The following RBFOX1 variants were observed in gnomAD, a reference collection of about 807,000 sequenced individuals.
The protein encoded by RBFOX1 is RNA binding protein fox-1 homolog 1.
In RBFOX1, 8 loss-of-function variants were observed where a neutral mutation model predicts 57.7. That is an observed-to-expected ratio of 0.14 (90% CI 0.08 to 0.25). RBFOX1 has a LOEUF of 0.25. Among genes scored for constraint, RBFOX1 ranks in the 10% least tolerant of loss-of-function variants. The pLI is 1.00. For synonymous variants in RBFOX1, 326 were observed against 222.4 expected (o/e 1.47, Z -4.15); for missense variants, 611 against 548.5 (o/e 1.11, Z -1.14).
intron 3 of RBFOX1, among the ~76,000 whole-genome samples, chr16:5,731,144 C>G (rs1365542471): frequency 3.9e-5 from 6 of 152,152 alleles, no homozygotes; most frequent in Non-Finnish European, 8.8e-5. Context: ...GCACCACCAC[C>G]ATTATCATTA....
chr16:6,448,531 A>G (rs2094532725), intron 2 of RBFOX1, among the ~76,000 whole-genome samples: 1 of 152,162 alleles, frequency 6.6e-6, no homozygotes, highest in Non-Finnish European at 1.5e-5. Flanking sequence ...ATTTCTGTGT[A>G]TCACAGAATG....
intron 3 of RBFOX1, among the ~76,000 whole-genome samples, chr16:6,995,331 T>TGTGTGTGTG (rs1596394200): frequency 1.4e-4 from 21 of 148,628 alleles, no homozygotes; most frequent in South Asian, 4.3e-4. Flanking sequence ...TGTGTGTGTG[T>TGTGTGTGTG]TAGAAGTGGT....
chr16:5,914,242 T>C (rs1299433323), intron 4 of RBFOX1, among the ~76,000 whole-genome samples: 2 of 152,252 alleles, frequency 1.3e-5, no homozygotes, highest in Non-Finnish European at 2.9e-5. Context: ...TTATTTTCTG[T>C]TACATAACAA....
intron 10 of RBFOX1, among the ~76,000 whole-genome samples, chr16:7,617,624 A>T (rs2058669101): frequency 6.6e-6 from 1 of 152,202 alleles, no homozygotes. Context: ...CCAAAGAGAC[A>T]GACCGTGTAT....
Position 6,420,168 on chromosome 16 carries a change from G to A in RBFOX1, c.-64+103111G>A, listed in dbSNP as rs550867079. Among the ~76,000 whole-genome samples the A allele has an allele frequency of 2.6e-5, 4 of 152,096 alleles. No homozygotes were observed. In the South Asian group the frequency reaches 6.2e-4, roughly 24 times the overall value. ...TCTTGCCTGCTTCAACTCTGCAGTC[G>A]ATGAAAGGGAGAACTCTTTCCCTTT... is the stretch of plus-strand genomic sequence containing the variant. On this transcript the variant is annotated intron_variant, in intron 2 of 15. Coordinates refer to ENST00000550418, the MANE Select transcript of RBFOX1 (RefSeq NM_018723.4).
chr16:7,375,854 A>C (rs1018262997), intron 4 of RBFOX1, among the ~76,000 whole-genome samples: 1 of 152,166 alleles, frequency 6.6e-6, no homozygotes, highest in African/African-American at 2.4e-5. Flanking sequence ...ATTTGGTACT[A>C]CTTGGGAAAA....
At chr16:6,596,055 T>C (rs2097773814) in intron 2 of RBFOX1, among the ~76,000 whole-genome samples, 2 of 152,098 alleles carry the variant, frequency 1.3e-5, no homozygotes, top group African/African-American at 4.8e-5. Context: ...TTGAAAATAT[T>C]CTGTTTCATT....
intron 3 of RBFOX1, among the ~76,000 whole-genome samples, chr16:6,820,791 C>A (rs116886630): frequency 6.6e-6 from 1 of 152,172 alleles, no homozygotes. Flanking sequence ...TGCAAAAGGC[C>A]TGTGAATGAG....
intron 1 of RBFOX1, among the ~76,000 whole-genome samples, chr16:5,279,945 T>A (rs1251383519): frequency 6.6e-6 from 1 of 152,234 alleles, no homozygotes; most frequent in Non-Finnish European, 1.5e-5. Context: ...TCTTGTCTGA[T>A]CACTCTGGCT....
intron 4 of RBFOX1, among the ~76,000 whole-genome samples, chr16:7,469,309 G>T (rs773063784): frequency 1.3e-5 from 2 of 151,840 alleles, no homozygotes; most frequent in South Asian, 2.1e-4. Context: ...TGATCTGCCC[G>T]CCTCGGCCTC....
chr16:7,606,422 G>A (rs1037159016), intron 9 of RBFOX1, among the ~76,000 whole-genome samples: 5 of 152,058 alleles, frequency 3.3e-5, no homozygotes, highest in East Asian at 1.9e-4. Flanking sequence ...CACCCAGCCC[G>A]CACGGATGCT....
At chr16:5,259,374 C>CCTGGCT (rs938774468) in intron 1 of RBFOX1, among the ~76,000 whole-genome samples, 11 of 152,278 alleles carry the variant, frequency 7.2e-5, no homozygotes, top group African/African-American at 1.9e-4. Flanking sequence ...ATGCAGCCAG[C>CCTGGCT]CTGGCTCTGG....
At chr16:6,443,402 C>G (rs555182490) in intron 2 of RBFOX1, among the ~76,000 whole-genome samples, 2 of 151,928 alleles carry the variant, frequency 1.3e-5, no homozygotes, top group South Asian at 2.1e-4. Flanking sequence ...CCATCCCCCC[C>G]ATCCTGGCCA....
intron 1 of RBFOX1, among the ~76,000 whole-genome samples, chr16:6,297,597 G>T (rs11649399): frequency 0.93 from 141,708 of 152,098 alleles, 66,874 homozygotes; most frequent in East Asian, 1. Context: ...CTTGGCAAAG[G>T]CTTCACCCTC....
chr16:7,230,713 C>T (rs929626728), intron 4 of RBFOX1, among the ~76,000 whole-genome samples: 1 of 152,144 alleles, frequency 6.6e-6, no homozygotes, highest in Non-Finnish European at 1.5e-5. Context: ...TGAAAGTGAC[C>T]TTTAAGGCCA....
chr16:6,187,640 A>G (rs557467258), intron 1 of RBFOX1, among the ~76,000 whole-genome samples: 1 of 152,338 alleles, frequency 6.6e-6, no homozygotes, highest in East Asian at 1.9e-4. Flanking sequence ...AGATCAGGAT[A>G]CAGGTGGTTC....
At chr16:7,157,585 G>A (rs895902300) in intron 4 of RBFOX1, among the ~76,000 whole-genome samples, 3 of 152,086 alleles carry the variant, frequency 2.0e-5, no homozygotes, top group Admixed American at 6.6e-5. Flanking sequence ...GAAAATATCC[G>A]AATAGGGTCT....
At position 7,664,703 on chromosome 16, in the gene RBFOX1, GCCA is replaced by G. The variant is rs2068719969; in HGVS notation, c.891-218_891-216del. The G allele has an allele frequency of 6.0e-6, 4 of 667,346 alleles. No homozygotes were observed. The East Asian group carries it at 8.6e-5, about 14-fold the overall frequency. The allele number at this position is 667,346 out of a possible 1,614,324, so 41.3% of individuals were successfully genotyped here. A position where few individuals can be genotyped will look rare whatever the true frequency, so the allele number is the denominator to read the frequency against. ...TGGGAAGTTTGGGACCTAGCACACCGCCACCACCACATCCTAATTCTGGGCCAA... is the reference window on the plus strand; with the variant it reads ...TGGGAAGTTTGGGACCTAGCACACCGCCACCACATCCTAATTCTGGGCCAA... On this transcript the variant is annotated intron_variant, in intron 12 of 15. Transcript: ENST00000550418.
intron 3 of RBFOX1, among the ~76,000 whole-genome samples, chr16:6,701,944 G>C (rs1279775611): frequency 6.6e-6 from 1 of 152,152 alleles, no homozygotes; most frequent in Non-Finnish European, 1.5e-5. Flanking sequence ...GGGCCTGCTT[G>C]AGGATGGAGG....
Sources: gnomAD v4.1 joint callset for allele counts (sites outside exome capture counted in the v4.1 genomes callset) on GRCh38, gnomAD v4.1.1 for gene constraint, MANE v1.5 for transcripts, NCBI Gene and HGNC (gene_info 2026-07-23, HGNC 2026-07-21) for gene names.